Variants in CTNNA2 observed in about 807,000 individuals in gnomAD.
CTNNA2 encodes catenin alpha 2.
A neutral mutation model predicts 101.0 loss-of-function variants in CTNNA2; 42 were observed. The observed-to-expected ratio is 0.42, with a 90% confidence interval of 0.32 to 0.54. CTNNA2 has a LOEUF of 0.54. Ranked by LOEUF, CTNNA2 falls within the 20% of genes least tolerant of loss-of-function variation. The pLI is 0.14. For missense variants in CTNNA2, 871 were observed against 1,223.1 expected (o/e 0.71, Z 4.29); for synonymous variants, 450 against 456.4 (o/e 0.99, Z 0.18).
chr2:80,073,324 G>A (rs1007003576), intron 7 of CTNNA2, among the ~76,000 whole-genome samples: 1 of 152,174 alleles, frequency 6.6e-6, no homozygotes, highest in Non-Finnish European at 1.5e-5. Flanking sequence ...AGTCTGTCCT[G>A]AGGGTAAGCG....
At chr2:79,733,488 G>A (rs756479474) in intron 2 of CTNNA2, among the ~76,000 whole-genome samples, 1 of 151,072 alleles carries the variant, frequency 6.6e-6, no homozygotes, top group Non-Finnish European at 1.5e-5. Flanking sequence ...CTGTGCATAG[G>A]TGTGTGTGTG....
At chr2:80,175,522 A>G (rs187891668) in intron 7 of CTNNA2, among the ~76,000 whole-genome samples, 1 of 152,332 alleles carries the variant, frequency 6.6e-6, no homozygotes, top group Non-Finnish European at 1.5e-5. Flanking sequence ...ACAAATATTT[A>G]GTGAGCACCT....
At chr2:80,146,084 G>A (rs1297445805) in intron 7 of CTNNA2, among the ~76,000 whole-genome samples, 1 of 152,152 alleles carries the variant, frequency 6.6e-6, no homozygotes, top group African/African-American at 2.4e-5. Flanking sequence ...TCATTGCAAT[G>A]CTGTGAAAAC....
At chr2:80,552,059 G>T (rs975080285) in intron 11 of CTNNA2, among the ~76,000 whole-genome samples, 2 of 152,088 alleles carry the variant, frequency 1.3e-5, no homozygotes, top group African/African-American at 4.8e-5. Context: ...GATGGCAAAC[G>T]GCCGTCTTGG....
chr2:79,847,665 G>C (rs998237462), intron 3 of CTNNA2, among the ~76,000 whole-genome samples: 1 of 149,718 alleles, frequency 6.7e-6, no homozygotes, highest in Admixed American at 6.7e-5. Flanking sequence ...AATTTCATCT[G>C]CATGATGCCC....
chr2:80,232,345 GTTTTTTTTTTTTTTTTTTTTTTTTTT>G (rs61454985), intron 7 of CTNNA2, among the ~76,000 whole-genome samples: 17 of 64,826 alleles, frequency 2.6e-4, no homozygotes, highest in Non-Finnish European at 2.3e-4. Context: ...TTGTTTGTTT[GTTTTTTTTTTTTTTTTTTTTTTTTTT>G]TTTTTTTTTT....
At chr2:79,214,637 G>A (rs1294883615) in intron 2 of CTNNA2, among the ~76,000 whole-genome samples, 3 of 152,082 alleles carry the variant, frequency 2.0e-5, no homozygotes. Context: ...CAGGGAAGGA[G>A]TAGAGATGTC....
intron 1 of CTNNA2, among the ~76,000 whole-genome samples, chr2:79,627,438 T>A (rs1445846565): frequency 3.9e-5 from 6 of 152,122 alleles, no homozygotes; most frequent in Non-Finnish European, 8.8e-5. Context: ...CCCAGCAGAG[T>A]GCTGCCTGCT....
intron 1 of CTNNA2, among the ~76,000 whole-genome samples, chr2:79,566,008 C>T (rs1675091540): frequency 6.6e-6 from 1 of 151,926 alleles, no homozygotes; most frequent in African/African-American, 2.4e-5. Flanking sequence ...GAAGGAGTAG[C>T]CACAAAGATA....
intron 4 of CTNNA2, among the ~76,000 whole-genome samples, chr2:79,433,624 GAAAA>G (rs200656588): frequency 0.34 from 32,852 of 95,736 alleles, 4,130 homozygotes; most frequent in South Asian, 0.42. Context: ...TGCCTTTGAG[GAAAA>G]AAAAAAAAAA....
At chr2:79,265,871 C>A (rs1267673054) in intron 2 of CTNNA2, among the ~76,000 whole-genome samples, 1 of 152,138 alleles carries the variant, frequency 6.6e-6, no homozygotes, top group East Asian at 1.9e-4. Flanking sequence ...AGAATAGGTG[C>A]ATGTATAGTT....
rs137991412 is a variant in CTNNA2, at chr2:79,234,520, G to T, written c.-406+36444G>T. Among the ~76,000 whole-genome samples, 413 of 151,928 alleles carry T rather than the reference G, an allele frequency of 2.7e-3. 3 individuals carry two copies. The highest frequency in any genetic ancestry group is 9.5e-3 in the African/African-American group (393 of 41,434). ...TTTGATGACTATGTGCCTTGGGGGT[G>T]GTCATTTTTTGTAGTATCTTTCAGG... On this transcript the variant is annotated intron_variant, in intron 2 of 21. Transcript: ENST00000466387.
At chr2:79,919,609 G>A (rs1194936229) in intron 7 of CTNNA2, among the ~76,000 whole-genome samples, 1 of 152,146 alleles carries the variant, frequency 6.6e-6, no homozygotes, top group African/African-American at 2.4e-5. Context: ...GAGGCTTCTG[G>A]TATTTCAAAG....
At chr2:80,569,448 T>A (rs1694357247) in intron 12 of CTNNA2, among the ~76,000 whole-genome samples, 1 of 152,040 alleles carries the variant, frequency 6.6e-6, no homozygotes, top group East Asian at 1.9e-4. Flanking sequence ...AGTTTTTGGA[T>A]GTAATTCAGA....
chr2:79,374,966 G>A (rs553494184), intron 4 of CTNNA2, among the ~76,000 whole-genome samples: 3 of 152,268 alleles, frequency 2.0e-5, no homozygotes, highest in Non-Finnish European at 4.4e-5. Context: ...AACAGAGAGT[G>A]AGGGATGGAG....
intron 4 of CTNNA2, among the ~76,000 whole-genome samples, chr2:79,464,846 C>A (rs1196350491): frequency 6.6e-6 from 1 of 150,920 alleles, no homozygotes; most frequent in East Asian, 1.9e-4. Flanking sequence ...TTTTTTCTTG[C>A]AAGTTTGTTT....
intron 7 of CTNNA2, among the ~76,000 whole-genome samples, chr2:80,144,553 C>T (rs1234835896): frequency 5.9e-5 from 9 of 152,114 alleles, no homozygotes; most frequent in South Asian, 2.1e-4. Context: ...ACTTAGAGGA[C>T]GGTGTTGAGG....
At chr2:79,982,452 G>A (rs1691442633) in intron 7 of CTNNA2, among the ~76,000 whole-genome samples, 1 of 142,634 alleles carries the variant, frequency 7.0e-6, no homozygotes, top group Admixed American at 7.2e-5. Flanking sequence ...AACAGAATCT[G>A]CTTATTACAG....
intron 4 of CTNNA2, among the ~76,000 whole-genome samples, chr2:79,471,991 C>A (rs1336950270): frequency 1.3e-5 from 2 of 152,162 alleles, no homozygotes; most frequent in Non-Finnish European, 2.9e-5. Context: ...TCCTTCTCAG[C>A]ATCAAGACAA....
Sources: gnomAD v4.1 joint callset for allele counts (sites outside exome capture counted in the v4.1 genomes callset) on GRCh38, gnomAD v4.1.1 for gene constraint, MANE v1.5 for transcripts, NCBI Gene and HGNC (gene_info 2026-07-23, HGNC 2026-07-21) for gene names.